The following PPM1L variants were observed in gnomAD, a reference collection of about 807,000 sequenced individuals.
The protein encoded by PPM1L is protein phosphatase 1L.
Under a neutral mutation model 31.4 loss-of-function variants are expected in PPM1L, and 13 were observed. The observed-to-expected ratio is 0.41, with a 90% CI of 0.27 to 0.66. The LOEUF is 0.66. Ranked by LOEUF, PPM1L falls within the 30% of genes least tolerant of loss-of-function variation. The pLI, the probability that PPM1L is intolerant of heterozygous loss-of-function variation, is 0.29. For synonymous variants in PPM1L, 184 were observed against 175.4 expected (o/e 1.05, Z -0.39); for missense variants, 326 against 453.7 (o/e 0.72, Z 2.56).
chr3:160,889,694 C>T (rs1478191624), intron 1 of PPM1L, among the ~76,000 whole-genome samples: 14 of 152,130 alleles, frequency 9.2e-5, no homozygotes, highest in Admixed American at 2.6e-4. Flanking sequence ...CAGAAACACA[C>T]GCAAAAAAAC....
Position 160,878,875 on chromosome 3 carries a change from A to G in PPM1L, c.400-82861A>G, listed in dbSNP as rs529186490. Among the ~76,000 whole-genome samples, 4 of 152,346 alleles carry G rather than the reference A, an allele frequency of 2.6e-5. No individual in the cohort carries two copies. In the South Asian group the frequency reaches 8.3e-4, roughly 32 times the overall value. ...TTTCTGCTGGGTGCTAACAGAACAC[A>G]TCTGAACACATTTCATTTATTTATG... On this transcript the variant is annotated intron_variant, in intron 1 of 3. Transcript: ENST00000498165.
chr3:160,937,786 A>G (rs1267985972), intron 1 of PPM1L, among the ~76,000 whole-genome samples: 1 of 152,218 alleles, frequency 6.6e-6, no homozygotes, highest in Non-Finnish European at 1.5e-5. Flanking sequence ...TCAAAGCACA[A>G]TGAATTTACA....
At chr3:161,050,529 A>G (rs1719240412) in intron 2 of PPM1L, among the ~76,000 whole-genome samples, 1 of 152,220 alleles carries the variant, frequency 6.6e-6, no homozygotes, top group Non-Finnish European at 1.5e-5. Flanking sequence ...ATATTTGTAT[A>G]CACATTTCAA....
intron 1 of PPM1L, among the ~76,000 whole-genome samples, chr3:160,844,896 C>G (rs1263067662): frequency 1.3e-5 from 2 of 152,006 alleles, no homozygotes; most frequent in African/African-American, 2.4e-5. Context: ...CAATTATGCT[C>G]TATTTCTCCC....
intron 1 of PPM1L, among the ~76,000 whole-genome samples, chr3:160,784,675 A>G (rs78541969): frequency 0.028 from 4,318 of 152,318 alleles, 91 homozygotes; most frequent in Non-Finnish European, 0.043. Flanking sequence ...CTCTCCCTAC[A>G]TGCTCTCTCA....
chr3:160,960,714 A>G (rs1715937419), intron 1 of PPM1L, among the ~76,000 whole-genome samples: 1 of 152,040 alleles, frequency 6.6e-6, no homozygotes, highest in Non-Finnish European at 1.5e-5. Flanking sequence ...CTGCAAGGAG[A>G]TGCTAAACTT....
chr3:160,822,226 C>T (rs918008684), intron 1 of PPM1L, among the ~76,000 whole-genome samples: 5 of 151,724 alleles, frequency 3.3e-5, no homozygotes, highest in African/African-American at 1.2e-4. Context: ...GACTTCTTGG[C>T]AAATCACCAA....
chr3:160,932,096 T>C (rs1482408520), intron 1 of PPM1L, among the ~76,000 whole-genome samples: 1 of 152,138 alleles, frequency 6.6e-6, no homozygotes, highest in African/African-American at 2.4e-5. Context: ...CCTTTTTAGC[T>C]ATGTATGTTT....
At chr3:160,759,057 T>C (rs1714893304) in intron 1 of PPM1L, among the ~76,000 whole-genome samples, 1 of 152,214 alleles carries the variant, frequency 6.6e-6, no homozygotes, top group Non-Finnish European at 1.5e-5. Context: ...ATAATTTCTC[T>C]TGCTTTTTCT....
chr3:160,852,971 A>G (rs947430950), intron 1 of PPM1L, among the ~76,000 whole-genome samples: 1 of 152,144 alleles, frequency 6.6e-6, no homozygotes, highest in African/African-American at 2.4e-5. Flanking sequence ...CTGGAGGCCA[A>G]ATTTCAAAAA....
Position 161,032,890 on chromosome 3 carries a change from T to A in PPM1L, c.575-32513T>A, listed in dbSNP as rs796090669. Among the ~76,000 whole-genome samples the A allele has an allele frequency of 6.9e-3, 846 of 121,808 alleles. 10 individuals are homozygous for A. The highest frequency in any genetic ancestry group is 0.029 in the African/African-American group (802 of 27,702). 79.9% of individuals were successfully genotyped at this position (121,808 alleles called of 152,430 possible). ...TATTTTTTTTTTTTTTTTTTTTTTT[T>A]AGTAGAGATGGGGTTTCACCATGTT... On this transcript the variant is annotated intron_variant, in intron 2 of 3. Coordinates refer to ENST00000498165, the MANE Select transcript of PPM1L (RefSeq NM_139245.4).
chr3:161,001,583 G>A (rs1717482757), intron 2 of PPM1L, among the ~76,000 whole-genome samples: 1 of 152,096 alleles, frequency 6.6e-6, no homozygotes, highest in Admixed American at 6.6e-5. Flanking sequence ...TTTTCTCAAT[G>A]ATAGGAAAAT....
At chr3:160,988,031 A>G (rs778642) in intron 2 of PPM1L, among the ~76,000 whole-genome samples, 95,181 of 151,930 alleles carry the variant, frequency 0.63, 32,190 homozygotes, top group East Asian at 0.98. Flanking sequence ...AACGATTGAG[A>G]AGGAAATAAT....
intron 1 of PPM1L, among the ~76,000 whole-genome samples, chr3:160,799,963 A>G (rs1409756517): frequency 6.6e-6 from 1 of 152,026 alleles, no homozygotes; most frequent in Non-Finnish European, 1.5e-5. Context: ...ACTTTTTGTT[A>G]ATTGCTGTAC....
At chr3:160,808,849 C>G (rs890153394) in intron 1 of PPM1L, among the ~76,000 whole-genome samples, 30 of 152,186 alleles carry the variant, frequency 2.0e-4, no homozygotes, top group Admixed American at 1.6e-3. Context: ...AGAGCAGCCC[C>G]TTTCTGAAGA....
intron 1 of PPM1L, among the ~76,000 whole-genome samples, chr3:160,786,510 G>A (rs1049421662): frequency 6.6e-6 from 1 of 150,888 alleles, no homozygotes; most frequent in Non-Finnish European, 1.5e-5. Flanking sequence ...GAGCCACTGC[G>A]CCTGGCCTAA....
intron 1 of PPM1L, among the ~76,000 whole-genome samples, chr3:160,889,762 T>G (rs1713068325): frequency 1.3e-5 from 2 of 152,210 alleles, no homozygotes; most frequent in Non-Finnish European, 2.9e-5. Context: ...AATAAAATAC[T>G]GGCAAACTGA....
At chr3:161,062,984 G>A (rs865891889) in intron 2 of PPM1L, among the ~76,000 whole-genome samples, 1 of 152,266 alleles carries the variant, frequency 6.6e-6, no homozygotes. Flanking sequence ...AAAGTGCAGA[G>A]TGAGAAGAGA....
chr3:160,773,286 G>T (rs1317253463), intron 1 of PPM1L, among the ~76,000 whole-genome samples: 1 of 152,140 alleles, frequency 6.6e-6, no homozygotes. Flanking sequence ...TTTAGAAGAT[G>T]TCCCTCTTTT....
Sources: gnomAD v4.1 joint callset for allele counts (sites outside exome capture counted in the v4.1 genomes callset) on GRCh38, gnomAD v4.1.1 for gene constraint, MANE v1.5 for transcripts, NCBI Gene and HGNC (gene_info 2026-07-23, HGNC 2026-07-21) for gene names.